The following PCDHGA5 variants were observed in gnomAD, a reference collection of about 807,000 sequenced individuals.
The protein encoded by PCDHGA5 is protocadherin gamma-A5.
A neutral mutation model predicts 56.7 loss-of-function variants in PCDHGA5; 36 were observed. The ratio of observed to expected loss-of-function variants is 0.64; its 90% CI spans 0.49 to 0.84. The LOEUF (loss-of-function observed/expected upper bound fraction) is 0.84. PCDHGA5 is among the 40% of genes least tolerant of loss of function. The pLI is 0.00. For missense variants in PCDHGA5, 1,305 were observed against 1,201.5 expected, an observed-to-expected ratio of 1.09 and a Z score of -1.27; for synonymous variants, 563 against 520.2, an observed-to-expected ratio of 1.08 and a Z score of -1.12.
chr5:141,486,017 A>C lies in PCDHGA5; in HGVS notation c.2422-8790A>C, dbSNP rs746747518. 1 of 1,614,176 alleles carries C rather than the reference A, an allele frequency of 6.2e-7. No homozygotes were observed. The highest frequency in any genetic ancestry group is 8.5e-7 in the Non-Finnish European group (1 of 1,180,038). ...CAGTGGTAACGTCACCTTTTATTTC[A>C]GTGGTCATACCCCTGATCGTGTAAG... On this transcript the variant is annotated intron_variant, in intron 1 of 3. Coordinates refer to ENST00000518069, the MANE Select transcript of PCDHGA5 (RefSeq NM_018918.3). This position sits in a 1 kb window ranked among gnomAD's most constrained non-coding sequence, Gnocchi z 5.0.
At chr5:141,383,956 A>G (rs1279675225) in intron 1 of PCDHGA5, 3 of 1,613,670 alleles carry the variant, frequency 1.9e-6, no homozygotes, top group Non-Finnish European at 2.5e-6. Context: ...GACGTCTTTA[A>G]GTAGCTCAAT....
At chr5:141,381,635 G>A (rs528841837) in intron 1 of PCDHGA5, among the ~76,000 whole-genome samples, 1 of 152,276 alleles carries the variant, frequency 6.6e-6, no homozygotes, top group Non-Finnish European at 1.5e-5. Context: ...GCAGATTTCT[G>A]CCTTCTGTAG....
chr5:141,404,004 C>T (rs1219625288), intron 1 of PCDHGA5: 3 of 1,613,842 alleles, frequency 1.9e-6, no homozygotes, highest in Non-Finnish European at 2.5e-6. Flanking sequence ...ACCATTACAT[C>T]TCTGTTTAGC....
intron 1 of PCDHGA5, chr5:141,410,784 G>T (rs1352997810): frequency 1.2e-6 from 1 of 817,034 alleles, no homozygotes; most frequent in Non-Finnish European, 1.7e-6. Context: ...CTATGTATTT[G>T]GTTCATAAGT....
At chr5:141,398,450 C>T in intron 1 of PCDHGA5, 1 of 1,574,388 alleles carries the variant, frequency 6.4e-7, no homozygotes, top group East Asian at 2.2e-5. Flanking sequence ...GAATTTGAGG[C>T]TGTTGCTGAA....
In PCDHGA5 at chr5:141,428,081, C is replaced by A. The variant is rs768842388; in HGVS notation, c.2421+61330C>A. 14 of 1,609,100 alleles carry A rather than the reference C, an allele frequency of 8.7e-6. No individual in the cohort carries two copies. In the African/African-American group the frequency reaches 1.1e-4, roughly 12 times the overall value. ...CGGTGGACGCAGATTCGGGACACAA[C>A]GCTTGGCTGTCCTACCACGTGCTGC... is the stretch of plus-strand genomic sequence containing the variant. On this transcript the variant is annotated intron_variant, in intron 1 of 3. Transcript: ENST00000518069.
intron 1 of PCDHGA5, among the ~76,000 whole-genome samples, chr5:141,463,438 CTTTTT>C (rs71576115): frequency 7.7e-5 from 8 of 103,256 alleles, no homozygotes; most frequent in African/African-American, 2.7e-4. Flanking sequence ...TTTCCTTCTC[CTTTTT>C]TTTTTTTTTT....
chr5:141,377,373 A>G (rs1416774435), intron 1 of PCDHGA5: 1 of 152,200 alleles, frequency 6.6e-6, no homozygotes, highest in Non-Finnish European at 1.5e-5. Context: ...CAGGAGGCTG[A>G]GGCAGGAGGA....
intron 1 of PCDHGA5, among the ~76,000 whole-genome samples, chr5:141,369,773 T>G: frequency 6.6e-6 from 1 of 152,236 alleles, no homozygotes; most frequent in African/African-American, 2.4e-5. Flanking sequence ...AGCTGATATT[T>G]CAAGCCTCTT....
intron 1 of PCDHGA5, chr5:141,371,990 G>A (rs1768271150): frequency 6.2e-7 from 1 of 1,613,140 alleles, no homozygotes; most frequent in Admixed American, 1.7e-5. Flanking sequence ...AGCTCACTCT[G>A]CAGGCCCGCG....
At chr5:141,401,159 T>G (rs2094122338) in intron 1 of PCDHGA5, among the ~76,000 whole-genome samples, 1 of 152,076 alleles carries the variant, frequency 6.6e-6, no homozygotes, top group Admixed American at 6.6e-5. Context: ...CTGGGCAATA[T>G]GGTGAAAACC....
At chr5:141,367,544 A>G (rs976258516) in intron 1 of PCDHGA5, 78 of 146,054 alleles carry the variant, frequency 5.3e-4, no homozygotes, top group African/African-American at 1.8e-3. Context: ...CTCAAAATAA[A>G]TAAATAAATA....
Position 141,486,886 on chromosome 5 carries a change from G to A in PCDHGA5, c.2422-7921G>A. The A allele has an allele frequency of 1.9e-6, 3 of 1,614,222 alleles. No individual in the cohort carries two copies. The highest frequency in any genetic ancestry group is 2.5e-6 in the Non-Finnish European group (3 of 1,180,044). ...CAGCTGTGCTCCGTCCTCGGGCCCGGCCTGGTTCCTTATGTCCCCAAGCAC... is the reference window on the plus strand; with the variant it reads ...CAGCTGTGCTCCGTCCTCGGGCCCGACCTGGTTCCTTATGTCCCCAAGCAC... On this transcript the variant is annotated intron_variant, in intron 1 of 3. Coordinates refer to ENST00000518069, the MANE Select transcript of PCDHGA5 (RefSeq NM_018918.3). This position sits in a 1 kb window ranked among gnomAD's most constrained non-coding sequence, Gnocchi z 5.0.
chr5:141,372,268 A>T (rs374647960), intron 1 of PCDHGA5: 26 of 1,613,010 alleles, frequency 1.6e-5, no homozygotes, highest in Non-Finnish European at 1.9e-5. Flanking sequence ...CGCACGGGTG[A>T]GGTGCGCACG....
intron 1 of PCDHGA5, chr5:141,417,686 G>A (rs1300052006): frequency 8.4e-6 from 9 of 1,068,196 alleles, no homozygotes; most frequent in South Asian, 1.8e-5. Context: ...CAACAGAAAA[G>A]AAAACCAGCT....
intron 1 of PCDHGA5, among the ~76,000 whole-genome samples, chr5:141,482,530 C>CAAAAAAAAAAAAA (rs3074545): frequency 3.9e-5 from 3 of 76,560 alleles, no homozygotes; most frequent in African/African-American, 9.6e-5. Context: ...GACAGACATG[C>CAAAAAAAAAAAAA]AAAAAAAAAA....
intron 1 of PCDHGA5, chr5:141,389,603 C>A: frequency 6.2e-7 from 1 of 1,613,148 alleles, no homozygotes; most frequent in Non-Finnish European, 8.5e-7. Flanking sequence ...CTGCGCTCTT[C>A]GATATGGTGC....
intron 2 of PCDHGA5, among the ~76,000 whole-genome samples, chr5:141,500,779 T>C (rs1222392685): frequency 1.3e-5 from 2 of 152,238 alleles, no homozygotes; most frequent in Non-Finnish European, 2.9e-5. Context: ...TGAATATACA[T>C]ATTATTTTAC....
chr5:141,410,847 GTC>G (rs2095431261), intron 1 of PCDHGA5: 6 of 158,244 alleles, frequency 3.8e-5, no homozygotes, highest in Admixed American at 8.9e-5. Context: ...TTTTGTCTTT[GTC>G]TTTTTTTTTT....
Sources: allele counts gnomAD v4.1 joint callset (sites outside exome capture counted in the v4.1 genomes callset), GRCh38; gene constraint gnomAD v4.1.1; non-coding constraint Gnocchi (gnomAD v3.1); transcripts MANE v1.5; gene names NCBI Gene and HGNC (gene_info 2026-07-23, HGNC 2026-07-21).